CD109: variants seen among roughly 807,000 people sequenced by gnomAD.
The protein encoded by CD109 is CD109 molecule.
A neutral mutation model predicts 165.8 loss-of-function variants in CD109; 149 were observed. That is an observed-to-expected ratio of 0.90 (90% CI 0.79 to 1.03). CD109 has a LOEUF of 1.03. CD109 is among the 50% of genes least tolerant of loss of function. CD109 has a pLI of 0.00. For synonymous variants in CD109, 585 were observed against 592.1 expected, an observed-to-expected ratio of 0.99 and a Z score of 0.18; for missense variants, 1,712 against 1,677.8, an observed-to-expected ratio of 1.02 and a Z score of -0.36.
chr6:73,783,514 T>TAA (rs1774580227), intron 18 of CD109, among the ~76,000 whole-genome samples, 193 bp from the exon 19 acceptor site: 1 of 152,236 alleles, frequency 6.6e-6, no homozygotes, highest in African/African-American at 2.4e-5. Flanking sequence ...ATTATGACCT[T>TAA]ATGATGACCT....
At position 73,818,515 on chromosome 6, in the gene CD109, C is replaced by T. The variant is rs1019015519; in HGVS notation, c.4039C>T (p.Leu1347Phe). Reference protein sequence around the residue: ...VKKVEYDHGKLNLYLDSVNET... With the variant: ...VKKVEYDHGKFNLYLDSVNET... ...GAAAGTGGAATATGATCATGGAAAA[C>T]TCAACCTCTATTTAGATTCTGTAAG... Residue 1347 changes from leucine to phenylalanine, a missense_variant, in exon 31 of 33, where the codon CTC (leucine) becomes TTC (phenylalanine). Transcript: ENST00000287097. 2 of 1,612,884 alleles carry T rather than the reference C, an allele frequency of 1.2e-6. No homozygotes were observed. The highest frequency in any genetic ancestry group is 1.7e-6 in the Non-Finnish European group (2 of 1,179,742).
chr6:73,760,396 G>A (rs1373168523), intron 7 of CD109, among the ~76,000 whole-genome samples: 4 of 109,710 alleles, frequency 3.6e-5, no homozygotes, highest in African/African-American at 1.4e-4. Context: ...TAAAGAGCGG[G>A]ACCCCGTCTC....
chr6:73,801,711 C>T (rs1775365954), intron 23 of CD109, among the ~76,000 whole-genome samples: 1 of 152,110 alleles, frequency 6.6e-6, no homozygotes. Context: ...ATGAATTTTA[C>T]TTATAGTTCT....
intron 15 of CD109, among the ~76,000 whole-genome samples, chr6:73,776,662 A>G (rs1774258239): frequency 7.0e-6 from 1 of 143,250 alleles, no homozygotes; most frequent in Admixed American, 7.4e-5. Context: ...GGTTCAAGCG[A>G]TTCTCCTGCC....
intron 1 of CD109, 133 bp downstream of exon 1, chr6:73,696,422 C>A (rs1362648545): frequency 8.8e-6 from 6 of 678,042 alleles, no homozygotes; most frequent in Non-Finnish European, 1.1e-5. Flanking sequence ...GCTGCAGTCC[C>A]CAGCCTGGTA....
intron 2 of CD109, among the ~76,000 whole-genome samples, chr6:73,698,735 T>C (rs1240877143): frequency 6.6e-6 from 1 of 152,190 alleles, no homozygotes; most frequent in African/African-American, 2.4e-5. Flanking sequence ...CAAGTCACTT[T>C]TGTCCCTCAT....
intron 14 of CD109, among the ~76,000 whole-genome samples, chr6:73,769,774 A>G (rs1199511591): frequency 6.6e-6 from 1 of 152,216 alleles, no homozygotes; most frequent in East Asian, 1.9e-4. Context: ...GTATAGAGTG[A>G]GAAGTACAAG....
At position 73,808,214 on chromosome 6, in the gene CD109, T is replaced by C; in HGVS notation, c.3321T>C (p.Ala1107=). ...SSVGSPKAKE[A]LNMLTWRAEQ... ...TGGGGAGTCCTAAAGCGAAGGAAGC[T>C]TTGAATATGCTGACTTGGAGAGCAG... Residue 1107 remains alanine, a synonymous_variant, in exon 26 of 33, where the codon GCT becomes GCC. Transcript: ENST00000287097. 1 of 1,613,446 alleles carries C rather than the reference T, an allele frequency of 6.2e-7. No individual in the cohort carries two copies. Among genetic ancestry groups the C allele is most frequent in the South Asian group, 1.1e-5 (1 of 91,016 alleles).
At chr6:73,764,462 A>G (rs1394305938) in intron 10 of CD109, among the ~76,000 whole-genome samples, 1 of 152,244 alleles carries the variant, frequency 6.6e-6, no homozygotes, top group Admixed American at 6.5e-5. Context: ...AACTTTGTTT[A>G]CAAACATACT....
At chr6:73,705,789 G>T (rs1348536587) in intron 2 of CD109, among the ~76,000 whole-genome samples, 1 of 152,202 alleles carries the variant, frequency 6.6e-6, no homozygotes, top group Non-Finnish European at 1.5e-5. Context: ...GAGGACAGAG[G>T]AAAGAACATT....
upstream of CD109, among the ~76,000 whole-genome samples, chr6:73,692,105 C>T (rs1770701027): frequency 6.6e-6 from 1 of 152,074 alleles, no homozygotes; most frequent in South Asian, 2.1e-4. Context: ...ATCGCAAGAA[C>T]AGCACCACGG....
upstream of CD109, chr6:73,695,302 G>A (rs933495884): frequency 6.6e-6 from 1 of 152,298 alleles, no homozygotes; most frequent in Non-Finnish European, 1.5e-5. Flanking sequence ...GCAGGAGAGA[G>A]GAGCTGCAAA....
At position 73,782,733 on chromosome 6, in the gene CD109, A is replaced by G. The variant is rs1163232995; in HGVS notation, c.2083A>G (p.Ile695Val). The G allele has an allele frequency of 1.9e-6, 3 of 1,614,038 alleles. No homozygotes were observed. The highest frequency in any genetic ancestry group is 2.5e-6 in the Non-Finnish European group (3 of 1,179,936). Residue 695 changes from isoleucine to valine, a missense_variant, in exon 18 of 33, where the codon ATT becomes GTT. Transcript: ENST00000287097. ...HVRKHFPETW[I>V]WLDTNMGYRI... The stretch of plus-strand genomic sequence containing the variant: ...CCGAAAGCATTTTCCAGAGACTTGG[A>G]TTTGGCTAGACACCAACATGGGGTA...
chr6:73,786,690 G>C (rs920933186), intron 20 of CD109, among the ~76,000 whole-genome samples: 4 of 152,136 alleles, frequency 2.6e-5, no homozygotes, highest in African/African-American at 7.2e-5. Flanking sequence ...TTAAGGCCTA[G>C]ATAAATGCTA....
chr6:73,771,060 C>A (rs1774015365), intron 14 of CD109, among the ~76,000 whole-genome samples: 2 of 152,204 alleles, frequency 1.3e-5, no homozygotes, highest in Admixed American at 6.5e-5. Context: ...TAGGCATCTG[C>A]AGTTTCTTTC....
chr6:73,736,941 T>C (rs548446881), intron 5 of CD109, among the ~76,000 whole-genome samples: 8 of 152,222 alleles, frequency 5.3e-5, no homozygotes, highest in Non-Finnish European at 5.9e-5. Context: ...CCGACTGCTA[T>C]TCCCCAATCC....
chr6:73,737,266 A>G (rs182275327), intron 5 of CD109, among the ~76,000 whole-genome samples: 2 of 152,316 alleles, frequency 1.3e-5, no homozygotes, highest in Admixed American at 6.5e-5. Context: ...TATGAAATGC[A>G]TGAAATTGTA....
At chr6:73,789,106 A>C (rs4708082) in intron 22 of CD109, among the ~76,000 whole-genome samples, 1 of 151,940 alleles carries the variant, frequency 6.6e-6, no homozygotes, top group Admixed American at 6.5e-5. Flanking sequence ...AGTCAGAATC[A>C]CTTGGGCTAT....
Position 73,823,539 on chromosome 6 carries a change from CT to C in CD109, c.4246del (p.Cys1416ValfsTer39). The C allele has an allele frequency of 6.2e-7, 1 of 1,614,000 alleles. No individual in the cohort carries two copies. The highest frequency in any genetic ancestry group is 1.1e-5 in the South Asian group (1 of 91,074). On this transcript the variant is annotated frameshift_variant, in exon 33 of 33. Coordinates refer to ENST00000287097, the MANE Select transcript of CD109 (RefSeq NM_133493.5). LOFTEE classifies it low-confidence loss of function (END_TRUNC). ...DLCSDVQGCR[P>X]CEDGASGSHH... is the part of the protein sequence containing the mutation. ...TGCAGTGATGTCCAGGGCTGCCGTC[CT>C]TGTGAGGATGGAGCTTCAGGCTCCC... is the stretch of plus-strand genomic sequence containing the variant.
Sources: gnomAD v4.1 joint callset for allele counts (sites outside exome capture counted in the v4.1 genomes callset) on GRCh38, gnomAD v4.1.1 for gene constraint, MANE v1.5 for transcripts, NCBI Gene and HGNC (gene_info 2026-07-23, HGNC 2026-07-21) for gene names.